Variants in GRIN2B observed in about 807,000 individuals in gnomAD.
The protein encoded by GRIN2B is glutamate receptor ionotropic, NMDA 2B.
Under a neutral mutation model 114.5 loss-of-function variants are expected in GRIN2B, and 5 were observed. That is an observed-to-expected ratio of 0.04 (90% confidence interval 0.02 to 0.09). GRIN2B has a LOEUF of 0.09. Ranked by LOEUF, GRIN2B falls within the 10% of genes least tolerant of loss-of-function variation. GRIN2B has a pLI of 1.00. For missense variants in GRIN2B, 1,108 were observed against 1,943.5 expected, an observed-to-expected ratio of 0.57 and a Z score of 8.08; for synonymous variants, 787 against 745.1, an observed-to-expected ratio of 1.06 and a Z score of -0.92.
intron 10 of GRIN2B, among the ~76,000 whole-genome samples, chr12:13,589,465 G>C (rs1351865417): frequency 6.6e-6 from 1 of 152,174 alleles, no homozygotes; most frequent in African/African-American, 2.4e-5. Flanking sequence ...AGATGCTAAG[G>C]ACTCCTGAGA....
intron 5 of GRIN2B, among the ~76,000 whole-genome samples, chr12:13,653,624 A>G (rs1221207048): frequency 6.6e-6 from 1 of 152,120 alleles, no homozygotes; most frequent in Admixed American, 6.6e-5. Context: ...AGGGGTCCCC[A>G]GTATCAAATG....
intron 4 of GRIN2B, among the ~76,000 whole-genome samples, chr12:13,751,144 G>T (rs929933484): frequency 1.3e-5 from 2 of 152,120 alleles, no homozygotes; most frequent in Non-Finnish European, 2.9e-5. Context: ...TGGTGTTTTT[G>T]AAGAACTAAG....
chr12:13,692,520 G>A (rs1322020504), intron 4 of GRIN2B, among the ~76,000 whole-genome samples: 1 of 151,948 alleles, frequency 6.6e-6, no homozygotes, highest in East Asian at 1.9e-4. Flanking sequence ...GTTTTCTCCA[G>A]TTACTCTGGT....
In GRIN2B at chr12:13,866,173, G is replaced by C. The variant is rs752668123; in HGVS notation, c.36C>G (p.Phe12Leu). The change falls in exon 3 of 14, where the codon TTC becomes TTG. Residue 12 changes from phenylalanine (F) to leucine (L), a missense_variant. Phe to Leu is a conservative substitution (Grantham distance 22). Coordinates refer to ENST00000609686, the MANE Select transcript of GRIN2B (RefSeq NM_000834.5). Reference protein sequence around the residue: ...KPRAECCSPKFWLVLAVLAVS... With the variant: ...KPRAECCSPKLWLVLAVLAVS... ...CGGCCAGGACGGCCAACACCAACCAGAACTTGGGAGAACAGCACTCCGCTC... is the reference window on the plus strand; with the variant it reads ...CGGCCAGGACGGCCAACACCAACCACAACTTGGGAGAACAGCACTCCGCTC... The C allele has an allele frequency of 1.2e-6, 2 of 1,611,784 alleles. No individual in the cohort carries two copies.
intron 3 of GRIN2B, among the ~76,000 whole-genome samples, chr12:13,812,464 C>CTT (rs71067728): frequency 6.9e-4 from 104 of 151,398 alleles, no homozygotes; most frequent in Non-Finnish European, 1.1e-3. Context: ...ATGTATTTAT[C>CTT]TTTTTTTTTC....
At position 13,689,595 on chromosome 12, in the gene GRIN2B, T is replaced by G. The variant is rs1041455064; in HGVS notation, c.1011-13736A>C. On this transcript the variant is annotated intron_variant, in intron 4 of 13. Transcript: ENST00000609686. ...ACAGCCTCCTCCTGGGCCCTTTGCC[T>G]TATATCATTGCCACCCTCCCCAATA... 1.2e-4 allele frequency among the ~76,000 whole-genome samples: 19 copies of G among 152,270 alleles called. 1 individual carries two copies. Among genetic ancestry groups the G allele is most frequent in the Admixed American group, 1.2e-3 (18 of 15,274 alleles).
intron 2 of GRIN2B, among the ~76,000 whole-genome samples, chr12:13,969,701 A>T (rs1372994615): frequency 6.6e-6 from 1 of 152,202 alleles, no homozygotes; most frequent in Non-Finnish European, 1.5e-5. Flanking sequence ...TCCTTTTCCT[A>T]ATCTCTGTCT....
chr12:13,653,517 G>T (rs894474527), intron 5 of GRIN2B, among the ~76,000 whole-genome samples: 2 of 151,994 alleles, frequency 1.3e-5, no homozygotes, highest in Non-Finnish European at 2.9e-5. Flanking sequence ...GGCAGAGTGG[G>T]AGTAAAGATG....
At chr12:13,973,403 G>A (rs114247971) in intron 2 of GRIN2B, among the ~76,000 whole-genome samples, 1,891 of 152,308 alleles carry the variant, frequency 0.012, 42 homozygotes, top group African/African-American at 0.042. Flanking sequence ...GAGCAGTTCA[G>A]AGGGTTAATT....
At chr12:13,617,171 T>G (rs1949455714) in intron 5 of GRIN2B, among the ~76,000 whole-genome samples, 1 of 152,218 alleles carries the variant, frequency 6.6e-6, no homozygotes, top group South Asian at 2.1e-4. Context: ...GTTTTGGCTG[T>G]AGAAGAGATC....
intron 4 of GRIN2B, among the ~76,000 whole-genome samples, chr12:13,692,472 C>T (rs1950222636): frequency 6.6e-6 from 1 of 152,102 alleles, no homozygotes; most frequent in Non-Finnish European, 1.5e-5. Context: ...GGGCCCCTGT[C>T]TGTGTGGAGT....
At position 13,825,496 on chromosome 12, in the gene GRIN2B, T is replaced by TTTTTTTGTGTGTG. The variant is rs375940899; in HGVS notation, c.411+40301_411+40302insCACACACAAAAAA. On this transcript the variant is annotated intron_variant, in intron 3 of 13. Transcript: ENST00000609686. ...TATATATAATAAATATATATATATT[T>TTTTTTTGTGTGTG]TGTGTGTGTGTGTGTGTGTGTGTGT... Among the ~76,000 whole-genome samples, 73 of 122,970 alleles carry TTTTTTTGTGTGTG rather than the reference T, an allele frequency of 5.9e-4. 1 individual carries two copies. The highest frequency in any genetic ancestry group is 1.9e-3 in the African/African-American group (60 of 32,094). 80.7% of individuals were successfully genotyped at this position (122,970 alleles called of 152,430 possible).
intron 10 of GRIN2B, among the ~76,000 whole-genome samples, chr12:13,577,677 G>A (rs1174939163): frequency 2.6e-5 from 4 of 152,176 alleles, no homozygotes; most frequent in African/African-American, 9.7e-5. Context: ...CAATACCTAT[G>A]TATGTACTGG....
At chr12:13,741,459 T>C (rs903608202) in intron 4 of GRIN2B, among the ~76,000 whole-genome samples, 3 of 152,248 alleles carry the variant, frequency 2.0e-5, no homozygotes, top group Admixed American at 2.0e-4. Context: ...TGGGGCAAAG[T>C]ACGCCTGGAA....
chr12:13,979,799 A>C (rs1444233708), intron 2 of GRIN2B, 129 bp downstream of exon 2: 1 of 152,164 alleles, frequency 6.6e-6, no homozygotes, highest in Non-Finnish European at 1.5e-5. Flanking sequence ...CTTTTTTCCC[A>C]AAACAGCATT....
At chr12:13,883,979 A>G (rs1193889629) in intron 2 of GRIN2B, among the ~76,000 whole-genome samples, 1 of 152,166 alleles carries the variant, frequency 6.6e-6, no homozygotes, top group Admixed American at 6.5e-5. Context: ...GGCACAAGCT[A>G]TGAGTCGAGG....
intron 3 of GRIN2B, among the ~76,000 whole-genome samples, chr12:13,776,383 A>G (rs1206183998): frequency 6.6e-6 from 1 of 152,194 alleles, no homozygotes; most frequent in East Asian, 1.9e-4. Context: ...ACGTTCACCT[A>G]TGTAACAAAC....
At chr12:13,810,327 T>C (rs985385924) in intron 3 of GRIN2B, among the ~76,000 whole-genome samples, 2 of 152,048 alleles carry the variant, frequency 1.3e-5, no homozygotes, top group Non-Finnish European at 2.9e-5. Context: ...GCGATTCTCA[T>C]GCCTCAGCCT....
At chr12:13,875,569 A>G (rs996248627) in intron 2 of GRIN2B, among the ~76,000 whole-genome samples, 6 of 152,102 alleles carry the variant, frequency 3.9e-5, no homozygotes, top group African/African-American at 1.4e-4. Context: ...GTAGGTGTCG[A>G]AGAAGGCTAT....
Sources: allele counts gnomAD v4.1 joint callset (sites outside exome capture counted in the v4.1 genomes callset), GRCh38; gene constraint gnomAD v4.1.1; transcripts MANE v1.5; gene names NCBI Gene and HGNC (gene_info 2026-07-23, HGNC 2026-07-21).